The following DECR2 variants were observed in gnomAD, a reference collection of about 807,000 sequenced individuals.
DECR2 encodes peroxisomal 2,4-dienoyl-CoA reductase [(3E)-enoyl-CoA-producing].
Under a neutral mutation model 29.2 loss-of-function variants are expected in DECR2, and 34 were observed. That is an observed-to-expected ratio of 1.16 (90% confidence interval 0.89 to 1.55). The LOEUF is 1.55. DECR2 is among the 40% of genes most tolerant of loss of function. The pLI, the probability that DECR2 is intolerant of heterozygous loss-of-function variation, is 0.00. For synonymous variants in DECR2, 224 were observed against 182.7 expected (o/e 1.23, Z -1.82); for missense variants, 485 against 425.3 (o/e 1.14, Z -1.23).
intron 3 of DECR2, chr16:406,668 T>G (rs1164656852): frequency 3.3e-6 from 2 of 613,840 alleles, no homozygotes. Flanking sequence ...TGGCTAATTT[T>G]TGCATTTTTT....
intron 3 of DECR2, chr16:406,987 A>G: frequency 2.0e-6 from 2 of 1,017,054 alleles, no homozygotes; most frequent in East Asian, 1.0e-4. Context: ...TTGACTTTTT[A>G]AAAAATCTAG....
At chr16:407,879 C>G (rs1275886945) in intron 4 of DECR2, among the ~76,000 whole-genome samples, 1 of 149,264 alleles carries the variant, frequency 6.7e-6, no homozygotes, top group Admixed American at 6.6e-5. Flanking sequence ...CTCTCCGGCC[C>G]CATCTCCGGC....
intron 2 of DECR2, chr16:405,470 A>C: frequency 8.1e-7 from 1 of 1,239,786 alleles, no homozygotes; most frequent in Non-Finnish European, 1.1e-6. Context: ...GGTGAGTCCC[A>C]CAGGAAGAGA....
At chr16:407,286 G>A in intron 3 of DECR2, 139 bp from the exon 4 acceptor site, 3 of 1,462,700 alleles carry the variant, frequency 2.1e-6, no homozygotes, top group Non-Finnish European at 2.7e-6. Flanking sequence ...CTTGCAGGCT[G>A]TGCTTCCCCA....
rs1020316028 is a variant in DECR2, at chr16:412,364, T to G, written c.*475T>G. On this transcript the variant is annotated 3_prime_UTR_variant, in exon 9 of 9. Transcript: ENST00000219481. ...CACCACCTGTTTGCATAAACACACT[T>G]TGCTACAATCTTGCTAGTGCGTTTT... 6.6e-6 allele frequency: 1 copy of G among 152,228 alleles called. No homozygotes were observed. The highest frequency in any genetic ancestry group is 1.5e-5 in the Non-Finnish European group (1 of 68,054). The allele number at this position is 152,228 out of a possible 1,614,324, so 9.4% of individuals were successfully genotyped here. A position where few individuals can be genotyped will look rare whatever the true frequency, so the allele number is the denominator to read the frequency against.
chr16:410,066 C>T lies in DECR2; in HGVS notation c.338-177C>T, dbSNP rs1488858945. The T allele has an allele frequency of 7.1e-6, 6 of 849,094 alleles. No individual in the cohort carries two copies. Among genetic ancestry groups the T allele is most frequent in the African/African-American group, 6.9e-5 (4 of 58,372 alleles). 52.6% of individuals were successfully genotyped at this position (849,094 alleles called of 1,614,324 possible). A position where few individuals can be genotyped will look rare whatever the true frequency, so the allele number is the denominator to read the frequency against. On this transcript the variant is annotated intron_variant, in intron 4 of 8. Transcript: ENST00000219481. This position sits in a 1 kb window ranked among gnomAD's most constrained non-coding sequence, Gnocchi z 4.1. ...TCTCTTCTCGGGGACACAGTGCAGCCAGGACGCCCGTCTTGCTCTGGTCAT... is the reference window on the plus strand; with the variant it reads ...TCTCTTCTCGGGGACACAGTGCAGCTAGGACGCCCGTCTTGCTCTGGTCAT...
intron 4 of DECR2, among the ~76,000 whole-genome samples, chr16:409,023 G>A (rs993950867): frequency 3.3e-5 from 5 of 151,794 alleles, no homozygotes; most frequent in Admixed American, 3.3e-4. Context: ...ATAGAGATGG[G>A]GTTTCATCAT....
intron 4 of DECR2, among the ~76,000 whole-genome samples, chr16:409,217 G>C (rs1374161726): frequency 1.3e-5 from 2 of 151,422 alleles, no homozygotes; most frequent in Non-Finnish European, 2.9e-5. Context: ...TGTCGCCCAG[G>C]CTGGAGTGCA....
At chr16:408,108 CGGACCTCTGTCTCCG>C in intron 4 of DECR2, among the ~76,000 whole-genome samples, 1 of 34,530 alleles carries the variant, frequency 2.9e-5, no homozygotes, top group African/African-American at 1.2e-4. Flanking sequence ...CCCCTGTCTC[CGGACCTCTGTCTCCG>C]GGCCCCTGTC....
At chr16:411,097 A>G (rs2054813369) in intron 7 of DECR2, 21 bp downstream of exon 7, 2 of 1,486,132 alleles carry the variant, frequency 1.3e-6, no homozygotes, top group Non-Finnish European at 1.8e-6. Context: ...CAGGGAGCCC[A>G]GGCCTCCCAC....
intron 1 of DECR2, 138 bp downstream of exon 1, chr16:402,181 T>A: frequency 1.7e-6 from 1 of 578,630 alleles, no homozygotes; most frequent in Non-Finnish European, 2.5e-6. Flanking sequence ...TTTTCTTTCT[T>A]TTTTTTTTTT....
Position 411,372 on chromosome 16 carries a change from G to C in DECR2, c.673G>C (p.Ala225Pro). Residue 225 changes from alanine to proline, a missense_variant, in exon 8 of 9, where the codon GCC (alanine) becomes CCC (proline). Physicochemically the swap from Ala to Pro is conservative, Grantham distance 27. Coordinates refer to ENST00000219481, the MANE Select transcript of DECR2 (RefSeq NM_020664.4). ...EGLRRLGGPQASLSTKVTASP... is the reference protein window; with the variant it reads ...EGLRRLGGPQPSLSTKVTASP... ...CTGCTGCCCTCCAGGTGGCCCTCAG[G>C]CCAGCCTGAGCACCAAGGTCACTGC... 1 of 1,607,900 alleles carries C rather than the reference G, an allele frequency of 6.2e-7. No homozygotes were observed. Among genetic ancestry groups the C allele is most frequent in the Non-Finnish European group, 8.5e-7 (1 of 1,179,324 alleles).
In DECR2 at chr16:401,901, G is replaced by T. The variant is rs920349403; in HGVS notation, c.-63G>T. On this transcript the variant is annotated 5_prime_UTR_variant, in exon 1 of 9. Coordinates refer to ENST00000219481, the MANE Select transcript of DECR2 (RefSeq NM_020664.4). ...GTTCCAGGCGAGTTCGCAGCTGCGC[G>T]CCGGGTCCTGGAGGCCGAGGCCGCT... The T allele has an allele frequency of 1.1e-5, 15 of 1,384,712 alleles. No homozygotes were observed. The South Asian group carries it at 1.9e-4, about 18-fold the overall frequency. 85.8% of individuals were successfully genotyped at this position (1,384,712 alleles called of 1,614,324 possible).
intron 1 of DECR2, among the ~76,000 whole-genome samples, chr16:403,512 A>G (rs1028402779): frequency 4.6e-5 from 7 of 152,192 alleles, no homozygotes; most frequent in African/African-American, 7.2e-5. Flanking sequence ...CATATTTGAT[A>G]TTAGTGCCAT....
rs2054824379 is a variant in DECR2 at position 411,921 on chromosome 16, A to G, written c.*32A>G. 6.7e-6 allele frequency: 2 copies of G among 296,880 alleles called. No homozygotes were observed. The highest frequency in any genetic ancestry group is 1.2e-4 in the South Asian group (2 of 16,116). The allele number at this position is 296,880 out of a possible 1,614,324, so 18.4% of individuals were successfully genotyped here. ...TCCGGCCGCTGCTTCCTGCCGCCTC[A>G]CTCAGCCAGGTGGAGAGCACCAATC... On this transcript the variant is annotated 3_prime_UTR_variant, in exon 9 of 9. Transcript: ENST00000219481.
At position 410,834 on chromosome 16, in the gene DECR2, G is replaced by A; in HGVS notation, c.556+50G>A. 1 of 1,536,464 alleles carries A rather than the reference G, an allele frequency of 6.5e-7. No individual in the cohort carries two copies. On this transcript the variant is annotated intron_variant, in intron 6 of 8. Transcript: ENST00000219481. The surrounding 1 kb of genome is among the most constrained non-coding windows in gnomAD (Gnocchi z 4.1). Reference sequence around the variant, plus strand: ...GTTTGCCCACGTGGGTCCCCAATGGGCCGTCTGCTTCCATCCCAGGAGGCC... The same window carrying A: ...GTTTGCCCACGTGGGTCCCCAATGGACCGTCTGCTTCCATCCCAGGAGGCC...
In DECR2 at chr16:410,403, G is replaced by T. The variant is rs200583305; in HGVS notation, c.462+36G>T. On this transcript the variant is annotated intron_variant, in intron 5 of 8. Coordinates refer to ENST00000219481, the MANE Select transcript of DECR2 (RefSeq NM_020664.4). This position sits in a 1 kb window ranked among gnomAD's most constrained non-coding sequence, Gnocchi z 4.1. The stretch of plus-strand genomic sequence containing the variant: ...CGTGCGCTCTGTGAGAAGTTCTTCC[G>T]GGTGGGTGCCTCGTGCGCTCTGTGA... 11 of 1,592,458 alleles carry T rather than the reference G, an allele frequency of 6.9e-6. No homozygotes were observed. Among genetic ancestry groups the T allele is most frequent in the Middle Eastern group, 2.1e-4 (1 of 4,752 alleles).
At position 402,030 on chromosome 16, in the gene DECR2, C is replaced by T; in HGVS notation, c.67C>T (p.Pro23Ser). Residue 23 changes from proline (P) to serine (S), a missense_variant, in exon 1 of 9, where the codon CCG becomes TCG. Transcript: ENST00000219481. ...CLPAYRHLFC[P>S]DLLRDKVAFI... Reference sequence around the variant, plus strand: ...CCCCGCGTACCGCCACCTCTTCTGCCCGGACCTGCTGCGGTGAGCGGGGCC... The same window carrying T: ...CCCCGCGTACCGCCACCTCTTCTGCTCGGACCTGCTGCGGTGAGCGGGGCC... 2 of 1,474,922 alleles carry T rather than the reference C, an allele frequency of 1.4e-6. No homozygotes were observed. The highest frequency in any genetic ancestry group is 1.8e-6 in the Non-Finnish European group (2 of 1,118,298). The allele number at this position is 1,474,922 out of a possible 1,614,324, so 91.4% of individuals were successfully genotyped here.
rs967883350 is a variant in DECR2, at chr16:407,523, T to C, written c.300T>C (p.Ala100=). The part of the protein sequence containing the change: ...PPAVMAAVDQ[A]LKEFGRIDIL... The stretch of plus-strand genomic sequence containing the variant: ...CTGTCATGGCCGCCGTGGACCAGGC[T>C]CTGAAGGAGTTTGGCAGAATCGACA... Residue 100 remains alanine, a synonymous_variant, in exon 4 of 9, where the codon GCT becomes GCC. Coordinates refer to ENST00000219481, the MANE Select transcript of DECR2 (RefSeq NM_020664.4). 1.9e-6 allele frequency: 3 copies of C among 1,614,006 alleles called. No individual in the cohort carries two copies. Among genetic ancestry groups the C allele is most frequent in the Non-Finnish European group, 2.5e-6 (3 of 1,179,922 alleles).
Sources: allele counts gnomAD v4.1 joint callset (sites outside exome capture counted in the v4.1 genomes callset), GRCh38; gene constraint gnomAD v4.1.1; non-coding constraint Gnocchi (gnomAD v3.1); transcripts MANE v1.5; gene names NCBI Gene and HGNC (gene_info 2026-07-23, HGNC 2026-07-21).